ZBTB20: variants seen among roughly 807,000 people sequenced by gnomAD.
ZBTB20 encodes the protein zinc finger and BTB domain containing 20.
Under a neutral mutation model 56.9 loss-of-function variants are expected in ZBTB20, and 9 were observed. The observed-to-expected ratio is 0.16, with a 90% confidence interval of 0.10 to 0.28. The LOEUF (loss-of-function observed/expected upper bound fraction) is 0.28. Ranked by LOEUF, ZBTB20 falls within the 10% of genes least tolerant of loss-of-function variation. ZBTB20 has a pLI of 1.00. For synonymous variants in ZBTB20, 417 were observed against 420.7 expected (o/e 0.99, Z 0.11); for missense variants, 655 against 1,003.0 (o/e 0.65, Z 4.69).
intron 2 of ZBTB20, among the ~76,000 whole-genome samples, chr3:114,999,254 G>T (rs1328844783): frequency 7.1e-6 from 1 of 140,968 alleles, no homozygotes; most frequent in African/African-American, 2.6e-5. Flanking sequence ...AAGCAGGAAG[G>T]AAAGGAAAGG....
rs925172340 is a variant in ZBTB20, at chr3:114,314,828, TTTTC to T, written c.*24173_*24176del. 2 of 152,018 alleles carry T rather than the reference TTTTC, an allele frequency of 1.3e-5. No individual in the cohort carries two copies. Among genetic ancestry groups the T allele is most frequent in the African/African-American group, 4.8e-5 (2 of 41,398 alleles). 9.4% of individuals were successfully genotyped at this position (152,018 alleles called of 1,614,324 possible). A position where few individuals can be genotyped will look rare whatever the true frequency, so the allele number is the denominator to read the frequency against. ...AGTATAATGAAGCGCTACAGTTAAT[TTTTC>T]TTTTTTTGAATGTTTTTTTTCCTGT... On this transcript the variant is annotated 3_prime_UTR_variant, in exon 12 of 12. Coordinates refer to ENST00000675478, the MANE Select transcript of ZBTB20 (RefSeq NM_001348800.3).
intron 2 of ZBTB20, among the ~76,000 whole-genome samples, chr3:114,982,248 T>A (rs1376004545): frequency 6.6e-6 from 1 of 152,090 alleles, no homozygotes; most frequent in African/African-American, 2.4e-5. Context: ...TTGTCTGCTA[T>A]TCCTAATTCA....
intron 6 of ZBTB20, among the ~76,000 whole-genome samples, chr3:114,595,088 C>G (rs1369391758): frequency 6.6e-6 from 1 of 152,106 alleles, no homozygotes; most frequent in African/African-American, 2.4e-5. Context: ...GGGGTCAGCC[C>G]TTATATTACC....
intron 6 of ZBTB20, among the ~76,000 whole-genome samples, chr3:114,569,015 T>G (rs531372797): frequency 1.3e-5 from 2 of 152,298 alleles, no homozygotes; most frequent in African/African-American, 4.8e-5. Context: ...TTCGTTTACA[T>G]TTTCCCCCAA....
intron 11 of ZBTB20, among the ~76,000 whole-genome samples, chr3:114,350,015 T>C (rs1265218922): frequency 3.9e-5 from 6 of 151,912 alleles, no homozygotes; most frequent in African/African-American, 1.5e-4. Flanking sequence ...ATGACCTGAG[T>C]CTTCTCTTCT....
intron 5 of ZBTB20, among the ~76,000 whole-genome samples, chr3:114,790,128 G>A (rs891625192): frequency 1.3e-5 from 2 of 152,094 alleles, no homozygotes; most frequent in South Asian, 4.1e-4. Context: ...TTGTGCTGCA[G>A]AAGTTGCAAT....
At chr3:114,915,702 T>G (rs1437338089) in intron 3 of ZBTB20, among the ~76,000 whole-genome samples, 5 of 152,022 alleles carry the variant, frequency 3.3e-5, no homozygotes, top group Non-Finnish European at 7.4e-5. Context: ...TTTTCTACTT[T>G]CTTGATGTAG....
At chr3:114,784,079 A>G (rs1001342203) in intron 5 of ZBTB20, among the ~76,000 whole-genome samples, 2 of 152,238 alleles carry the variant, frequency 1.3e-5, no homozygotes, top group Non-Finnish European at 2.9e-5. Context: ...TTTAGAAATT[A>G]TCAAGTACAC....
At chr3:114,675,872 A>T (rs528643968) in intron 6 of ZBTB20, among the ~76,000 whole-genome samples, 40 of 152,320 alleles carry the variant, frequency 2.6e-4, no homozygotes, top group African/African-American at 8.9e-4. Context: ...CAGTAACAAT[A>T]ACAATAATAT....
intron 6 of ZBTB20, among the ~76,000 whole-genome samples, chr3:114,676,337 C>G (rs1362613051): frequency 6.6e-6 from 1 of 152,032 alleles, no homozygotes; most frequent in African/African-American, 2.4e-5. Flanking sequence ...CAGTTTCCTT[C>G]TGTATAAAGT....
intron 8 of ZBTB20, among the ~76,000 whole-genome samples, chr3:114,383,795 T>G (rs1412939400): frequency 6.6e-6 from 1 of 152,212 alleles, no homozygotes; most frequent in African/African-American, 2.4e-5. Flanking sequence ...GTGCTGTGAA[T>G]TGACCCCATT....
chr3:114,531,347 T>C (rs2047819643), intron 6 of ZBTB20, among the ~76,000 whole-genome samples: 1 of 152,244 alleles, frequency 6.6e-6, no homozygotes, highest in African/African-American at 2.4e-5. Context: ...GATTTTAGCC[T>C]AAGTTTGAGG....
intron 1 of ZBTB20, among the ~76,000 whole-genome samples, chr3:115,125,722 T>C (rs920823230): frequency 3.9e-5 from 6 of 152,192 alleles, no homozygotes; most frequent in African/African-American, 1.4e-4. Context: ...TTAAGTGTTT[T>C]CATCACAAAA....
rs914894525 is a variant in ZBTB20 at position 114,318,609 on chromosome 3, C to T, written c.*20396G>A. On this transcript the variant is annotated 3_prime_UTR_variant, in exon 12 of 12. Coordinates refer to ENST00000675478, the MANE Select transcript of ZBTB20 (RefSeq NM_001348800.3). ...CTCACCACCTTTATGCCTCTCTTTG[C>T]ATCAGGTTGGCCCCCAGTCCCTAAG... is the stretch of plus-strand genomic sequence containing the variant. 2.0e-5 allele frequency: 3 copies of T among 152,166 alleles called. No individual in the cohort carries two copies. Among genetic ancestry groups the T allele is most frequent in the African/African-American group, 7.2e-5 (3 of 41,424 alleles). 9.4% of individuals were successfully genotyped at this position (152,166 alleles called of 1,614,324 possible).
intron 2 of ZBTB20, among the ~76,000 whole-genome samples, chr3:115,031,247 C>CTTATG (rs148962631): frequency 0.016 from 2,417 of 151,526 alleles, 140 homozygotes; most frequent in East Asian, 0.16. Context: ...TAATGTTAAA[C>CTTATG]CACTTTTCTA....
intron 7 of ZBTB20, among the ~76,000 whole-genome samples, chr3:114,497,601 C>T (rs2043429716): frequency 6.6e-6 from 1 of 152,216 alleles, no homozygotes; most frequent in South Asian, 2.1e-4. Context: ...GGTCACCTTA[C>T]CACATCCAAG....
At chr3:114,424,398 C>A (rs2089462948) in intron 7 of ZBTB20, among the ~76,000 whole-genome samples, 1 of 152,200 alleles carries the variant, frequency 6.6e-6, no homozygotes, top group African/African-American at 2.4e-5. Flanking sequence ...CTCTCCCCAC[C>A]TCTCCATTTA....
At chr3:115,024,913 G>A (rs758597874) in intron 2 of ZBTB20, among the ~76,000 whole-genome samples, 3 of 150,968 alleles carry the variant, frequency 2.0e-5, no homozygotes, top group South Asian at 2.1e-4. Flanking sequence ...ATTATATATC[G>A]ATTTAAAATT....
intron 1 of ZBTB20, among the ~76,000 whole-genome samples, chr3:115,131,164 TTTCTTGGGTATCTGC>T (rs1449955916): frequency 6.6e-6 from 1 of 152,208 alleles, no homozygotes; most frequent in Non-Finnish European, 1.5e-5. Context: ...TTTTCCTTTA[TTTCTTGGGTATCTGC>T]TCCTCTCCTT....
Sources: allele counts gnomAD v4.1 joint callset (sites outside exome capture counted in the v4.1 genomes callset), GRCh38; gene constraint gnomAD v4.1.1; transcripts MANE v1.5; gene names NCBI Gene and HGNC (gene_info 2026-07-23, HGNC 2026-07-21).